The following AK8 variants were observed in gnomAD, a reference collection of about 807,000 sequenced individuals.
AK8 encodes the protein ATP-AMP transphosphorylase 8.
AK8 carries 44 observed loss-of-function variants against 54.6 expected under a neutral mutation model. The observed-to-expected ratio is 0.81, with a 90% CI of 0.63 to 1.04. The LOEUF is 1.04. Ranked by LOEUF, AK8 falls within the 50% of genes least tolerant of loss-of-function variation. The pLI, the probability that AK8 is intolerant of heterozygous loss-of-function variation, is 0.00. For missense variants in AK8, 555 were observed against 613.6 expected (o/e 0.90, Z 1.01); for synonymous variants, 239 against 245.6 (o/e 0.97, Z 0.25).
At chr9:132,757,172 A>G (rs1039701028) in intron 11 of AK8, among the ~76,000 whole-genome samples, 20 of 151,830 alleles carry the variant, frequency 1.3e-4, no homozygotes, top group African/African-American at 4.8e-4. Context: ...TGACATTTCA[A>G]TCCAGAAGCT....
chr9:132,773,968 T>C (rs1320764854), intron 11 of AK8, among the ~76,000 whole-genome samples: 3 of 151,876 alleles, frequency 2.0e-5, no homozygotes, highest in Admixed American at 2.0e-4. Context: ...TGTGCTAAGG[T>C]GTAGGGGGGA....
intron 7 of AK8, among the ~76,000 whole-genome samples, chr9:132,827,698 C>T (rs889231120): frequency 2.6e-4 from 40 of 152,234 alleles, no homozygotes; most frequent in Admixed American, 2.5e-3. Context: ...TAATTTGTCC[C>T]AGGGAGAGGC....
At chr9:132,863,852 T>C in intron 3 of AK8, 74 bp from the exon 4 acceptor site, 1 of 1,137,058 alleles carries the variant, frequency 8.8e-7, no homozygotes, top group Non-Finnish European at 1.3e-6. Context: ...TAAAATGCCC[T>C]GGTCCTTCCC....
chr9:132,736,661 CG>C (rs1253932125), intron 11 of AK8, among the ~76,000 whole-genome samples: 1 of 150,864 alleles, frequency 6.6e-6, no homozygotes, highest in Non-Finnish European at 1.5e-5. Flanking sequence ...GGTGGGCGCC[CG>C]TAGTCCCAGC....
At chr9:132,811,998 T>A (rs1841037144) in intron 10 of AK8, among the ~76,000 whole-genome samples, 1 of 152,208 alleles carries the variant, frequency 6.6e-6, no homozygotes, top group African/African-American at 2.4e-5. Flanking sequence ...TTGTCTCTGT[T>A]TCTGAACCAC....
intron 11 of AK8, among the ~76,000 whole-genome samples, chr9:132,761,499 G>A (rs968971143): frequency 4.6e-5 from 7 of 152,070 alleles, no homozygotes; most frequent in Non-Finnish European, 7.4e-5. Flanking sequence ...CTGGCTTCAC[G>A]TATCTGCCCA....
intron 2 of AK8, among the ~76,000 whole-genome samples, chr9:132,870,794 C>T (rs1190060174): frequency 2.0e-5 from 3 of 152,182 alleles, no homozygotes; most frequent in African/African-American, 7.2e-5. Flanking sequence ...TACCCCAGGC[C>T]GCTGCATGGC....
intron 11 of AK8, among the ~76,000 whole-genome samples, chr9:132,753,334 G>T (rs1427569069): frequency 6.6e-6 from 1 of 152,254 alleles, no homozygotes; most frequent in Non-Finnish European, 1.5e-5. Context: ...CAGGATGTGG[G>T]CCTGGCTGGC....
upstream of AK8, chr9:132,878,580 A>G: frequency 9.0e-7 from 1 of 1,115,936 alleles, no homozygotes. The surrounding 1 kb of genome is among the most constrained non-coding windows in gnomAD (Gnocchi z 4.7). Flanking sequence ...CTCCGAGGGG[A>G]CGGGAGGCAG....
rs1014278624 is a variant in AK8, at chr9:132,799,761, C to G, written c.980-6986G>C. On this transcript the variant is annotated intron_variant, in intron 10 of 12. Coordinates refer to ENST00000298545, the MANE Select transcript of AK8 (RefSeq NM_152572.3). The surrounding 1 kb of genome is among the most constrained non-coding windows in gnomAD (Gnocchi z 5.0). ...ACATACCTACACCGCACCCACACTG[C>G]CTCTCCTCATCCCTCACATTCGCTT... is the stretch of plus-strand genomic sequence containing the variant. Among the ~76,000 whole-genome samples the G allele has an allele frequency of 1.3e-5, 2 of 152,170 alleles. No homozygotes were observed. Among genetic ancestry groups the G allele is most frequent in the African/African-American group, 4.8e-5 (2 of 41,424 alleles).
intron 5 of AK8, among the ~76,000 whole-genome samples, chr9:132,844,519 G>C: frequency 6.6e-6 from 1 of 152,088 alleles, no homozygotes; most frequent in East Asian, 1.9e-4. Context: ...AAGCAAGAAA[G>C]CCTGTTTATT....
intron 11 of AK8, among the ~76,000 whole-genome samples, chr9:132,735,704 C>T (rs1837071212): frequency 6.6e-6 from 1 of 152,218 alleles, no homozygotes; most frequent in South Asian, 2.1e-4. Context: ...AGCAGTACCA[C>T]TTCGGAGGAT....
chr9:132,822,348 C>T (rs1053417594), intron 9 of AK8, among the ~76,000 whole-genome samples: 1 of 149,534 alleles, frequency 6.7e-6, no homozygotes, highest in African/African-American at 2.5e-5. Context: ...TACAAATGTA[C>T]AAAAATGTAC....
intron 11 of AK8, among the ~76,000 whole-genome samples, chr9:132,741,482 A>C (rs1837390148): frequency 6.6e-6 from 1 of 152,126 alleles, no homozygotes; most frequent in Non-Finnish European, 1.5e-5. Context: ...GCCCCCCAAA[A>C]ACAGCTGGGT....
rs200621164 is a variant in AK8, at chr9:132,760,830, CTA to C, written c.1121+31802_1121+31803del. On this transcript the variant is annotated intron_variant, in intron 11 of 12. Coordinates refer to ENST00000298545, the MANE Select transcript of AK8 (RefSeq NM_152572.3). ...GCTTTGTCTTCATCTATTGAAATAG[CTA>C]TATCTCTTTTTCTTTAATTTCTTAT... 6.7e-3 allele frequency among the ~76,000 whole-genome samples: 1,027 copies of C among 152,152 alleles called. 12 individuals are homozygous for C. The highest frequency in any genetic ancestry group is 0.02 in the African/African-American group (810 of 41,516).
At chr9:132,834,384 G>C (rs1842233025) in intron 5 of AK8, among the ~76,000 whole-genome samples, 1 of 152,132 alleles carries the variant, frequency 6.6e-6, no homozygotes, top group South Asian at 2.1e-4. Flanking sequence ...AAAAACCTTA[G>C]CCTGCCACAG....
chr9:132,852,564 C>T (rs1407327202), intron 5 of AK8, among the ~76,000 whole-genome samples: 13 of 149,934 alleles, frequency 8.7e-5, no homozygotes, highest in African/African-American at 2.7e-4. Flanking sequence ...GAGCTGAGAT[C>T]GCACCACTGC....
rs1001349681 is a variant in AK8, at chr9:132,799,253, T to C, written c.980-6478A>G. Among the ~76,000 whole-genome samples the C allele has an allele frequency of 1.3e-5, 2 of 152,080 alleles. No individual in the cohort carries two copies. Among genetic ancestry groups the C allele is most frequent in the Non-Finnish European group, 2.9e-5 (2 of 68,020 alleles). On this transcript the variant is annotated intron_variant, in intron 10 of 12. Coordinates refer to ENST00000298545, the MANE Select transcript of AK8 (RefSeq NM_152572.3). The surrounding 1 kb of genome is among the most constrained non-coding windows in gnomAD (Gnocchi z 5.0). Reference sequence around the variant, plus strand: ...TCAGTTATTGTTGAGGGAGAAGATATGAGGGACACTAAGGTTTCTGGGGCT... The same window carrying C: ...TCAGTTATTGTTGAGGGAGAAGATACGAGGGACACTAAGGTTTCTGGGGCT...
chr9:132,770,022 G>A lies in AK8; in HGVS notation c.1121+22612C>T, dbSNP rs1838891272. 1 of 152,182 alleles carries A rather than the reference G, an allele frequency of 6.6e-6. No individual in the cohort carries two copies. Among genetic ancestry groups the A allele is most frequent in the Non-Finnish European group, 1.5e-5 (1 of 68,062 alleles). 9.4% of individuals were successfully genotyped at this position (152,182 alleles called of 1,614,324 possible). A position where few individuals can be genotyped will look rare whatever the true frequency, so the allele number is the denominator to read the frequency against. ...TGAGCGGAGAGGGGGACTGCTCCCA[G>A]GGCTCCAGGCGAAGAGGGGCATCTG... is the stretch of plus-strand genomic sequence containing the variant. On this transcript the variant is annotated intron_variant, in intron 11 of 12. Coordinates refer to ENST00000298545, the MANE Select transcript of AK8 (RefSeq NM_152572.3). The surrounding 1 kb of genome is among the most constrained non-coding windows in gnomAD (Gnocchi z 4.3).
Sources: allele counts gnomAD v4.1 joint callset (sites outside exome capture counted in the v4.1 genomes callset), GRCh38; gene constraint gnomAD v4.1.1; non-coding constraint Gnocchi (gnomAD v3.1); transcripts MANE v1.5; gene names NCBI Gene and HGNC (gene_info 2026-07-23, HGNC 2026-07-21).